SUN2: variants seen among roughly 807,000 people sequenced by gnomAD.
SUN2 encodes the protein SUN domain-containing protein 2.
A neutral mutation model predicts 100.0 loss-of-function variants in SUN2; 60 were observed. The observed-to-expected ratio is 0.60, with a 90% CI of 0.49 to 0.74. The LOEUF (loss-of-function observed/expected upper bound fraction) is 0.74. SUN2 is among the 30% of genes least tolerant of loss of function. The probability of loss-of-function intolerance (pLI) is 0.00; values close to 1 mark genes in which losing one functional copy is unlikely to be tolerated. For missense variants in SUN2, 834 were observed against 954.6 expected, an observed-to-expected ratio of 0.87 and a Z score of 1.66; for synonymous variants, 367 against 403.3, an observed-to-expected ratio of 0.91 and a Z score of 1.08.
Position 38,740,497 on chromosome 22 carries a change from A to C in SUN2, c.1191-65T>G, listed in dbSNP as rs759249693. ...GGTGGGAGGTAAGGCCACACCAAAG[A>C]TGAAAGAGGACCCCCTAGTGGGCTC... is the stretch of plus-strand genomic sequence containing the variant. On this transcript the variant is annotated intron_variant, in intron 11 of 17. Transcript: ENST00000689035. This position sits in a 1 kb window ranked among gnomAD's most constrained non-coding sequence, Gnocchi z 4.8. 1 of 1,400,826 alleles carries C rather than the reference A, an allele frequency of 7.1e-7. No individual in the cohort carries two copies. Among genetic ancestry groups the C allele is most frequent in the East Asian group, 2.7e-5 (1 of 36,742 alleles). The allele number at this position is 1,400,826 out of a possible 1,614,324, so 86.8% of individuals were successfully genotyped here. A position where few individuals can be genotyped will look rare whatever the true frequency, so the allele number is the denominator to read the frequency against.
chr22:38,750,375 C>T lies in SUN2; in HGVS notation c.425-55G>A, dbSNP rs1290320951. The stretch of plus-strand genomic sequence containing the variant: ...TCTGTCACTTTCGAGCCTCTTCCTT[C>T]ACTGTCTTCTGTGAGCCAAGACCAC... On this transcript the variant is annotated intron_variant, in intron 4 of 17. Transcript: ENST00000689035. The T allele has an allele frequency of 1.9e-6, 3 of 1,605,704 alleles. No homozygotes were observed. The South Asian group carries it at 3.3e-5, about 18-fold the overall frequency.
At position 38,742,337 on chromosome 22, in the gene SUN2, C is replaced by T; in HGVS notation, c.1032G>A (p.Lys344=). The change falls in exon 9 of 18, where the codon AAG becomes AAA. Residue 344 remains lysine, a synonymous_variant. Transcript: ENST00000689035. ...CAGCAGTTTCCCTGCGGAAATCCTC[C>T]TTCAGGGCAGCTTCACGGCGGCTCA... is the stretch of plus-strand genomic sequence containing the variant. ...GLVSRREAAL[K]EDFRRETAAR... is the part of the protein sequence containing the mutation. The T allele has an allele frequency of 2.5e-6, 4 of 1,609,198 alleles. No individual in the cohort carries two copies. The highest frequency in any genetic ancestry group is 3.4e-6 in the Non-Finnish European group (4 of 1,176,340).
rs79114416 is a variant in SUN2, at chr22:38,753,901, A to G, written c.-37-1236T>C. ...AGTTTTCCAGTTGTTTCAGGAATGT[A>G]TTGAAGATTCTAGTTGTGTGTCCTC... is the stretch of plus-strand genomic sequence containing the variant. On this transcript the variant is annotated intron_variant, in intron 1 of 17. Transcript: ENST00000689035. 9.5e-3 allele frequency among the ~76,000 whole-genome samples: 1,443 copies of G among 152,302 alleles called. 27 individuals are homozygous for G. The highest frequency in any genetic ancestry group is 0.034 in the African/African-American group (1,403 of 41,554).
intron 17 of SUN2, chr22:38,736,593 T>G (rs1569292808): frequency 2.4e-6 from 1 of 424,706 alleles, no homozygotes; most frequent in African/African-American, 2.0e-5. Flanking sequence ...TGTAGCACAC[T>G]TCATCTGAAA....
chr22:38,736,794 C>G (rs1281767491), intron 17 of SUN2: 1 of 163,442 alleles, frequency 6.1e-6, no homozygotes, highest in African/African-American at 2.4e-5. Flanking sequence ...TGCCACAGGC[C>G]TAGCACACTC....
chr22:38,741,665 T>A, intron 9 of SUN2, 94 bp from the exon 10 acceptor site: 1 of 1,185,320 alleles, frequency 8.4e-7, no homozygotes, highest in Non-Finnish European at 1.2e-6. Context: ...TCAAACAAGG[T>A]CTGTTTGCTT....
At position 38,740,524 on chromosome 22, in the gene SUN2, C is replaced by T. The variant is rs868395596; in HGVS notation, c.1191-92G>A. ...GAAAGAGGACCCCCTAGTGGGCTCC[C>T]GTCAGGAGAGCGGGTGCCCAGCACT... On this transcript the variant is annotated intron_variant, in intron 11 of 17. Transcript: ENST00000689035. The surrounding 1 kb of genome is among the most constrained non-coding windows in gnomAD (Gnocchi z 4.8). The T allele has an allele frequency of 4.5e-5, 61 of 1,350,152 alleles. No homozygotes were observed. The highest frequency in any genetic ancestry group is 9.0e-5 in the African/African-American group (6 of 66,786). 83.6% of individuals were successfully genotyped at this position (1,350,152 alleles called of 1,614,324 possible). A position where few individuals can be genotyped will look rare whatever the true frequency, so the allele number is the denominator to read the frequency against.
rs538141756 is a variant in SUN2 at position 38,749,987 on chromosome 22, C to T, written c.521-128G>A. On this transcript the variant is annotated intron_variant, in intron 5 of 17. Transcript: ENST00000689035. Reference sequence around the variant, plus strand: ...CCAGTATGCCTCTGTCCTGCCCTACCGGGACCCAGGTCCTTGGATCCCACC... The same window carrying T: ...CCAGTATGCCTCTGTCCTGCCCTACTGGGACCCAGGTCCTTGGATCCCACC... 1.7e-4 allele frequency: 183 copies of T among 1,066,418 alleles called. 1 individual carries two copies. In the South Asian group the frequency reaches 2.4e-3, roughly 14 times the overall value. 66.1% of individuals were successfully genotyped at this position (1,066,418 alleles called of 1,614,324 possible).
intron 1 of SUN2, among the ~76,000 whole-genome samples, chr22:38,754,370 A>G (rs563081187): frequency 6.6e-6 from 1 of 152,288 alleles, no homozygotes; most frequent in Admixed American, 6.5e-5. Context: ...ATAGAAGTCC[A>G]CTTCCCAACC....
intron 7 of SUN2, 97 bp from the exon 8 acceptor site, chr22:38,745,908 CTG>C: frequency 6.6e-7 from 1 of 1,508,908 alleles, no homozygotes; most frequent in South Asian, 1.3e-5. Flanking sequence ...TGCTTGTGGC[CTG>C]TCCCACTCGT....
intron 7 of SUN2, 98 bp downstream of exon 7, chr22:38,748,615 A>ACC (rs2092921502): frequency 7.2e-7 from 1 of 1,389,706 alleles, no homozygotes; most frequent in Admixed American, 1.7e-5. Context: ...TCACAGGCAC[A>ACC]CCCCACCCAG....
rs752855984 is a variant in SUN2, at chr22:38,742,366, G to A, written c.1003C>T (p.Leu335=). Residue 335 remains leucine, a synonymous_variant, in exon 9 of 18, where the codon CTA becomes TTA. Transcript: ENST00000689035. ...HEDTLALLEG[L]VSRREAALKE... Reference sequence around the variant, plus strand: ...AGGGCAGCTTCACGGCGGCTCACTAGCCCCTCCAGCAGCGCCAGGGTGTCC... The same window carrying A: ...AGGGCAGCTTCACGGCGGCTCACTAACCCCTCCAGCAGCGCCAGGGTGTCC... 1.2e-6 allele frequency: 2 copies of A among 1,613,080 alleles called. No individual in the cohort carries two copies. Among genetic ancestry groups the A allele is most frequent in the Admixed American group, 1.7e-5 (1 of 60,016 alleles).
Position 38,736,048 on chromosome 22 carries a change from G to A in SUN2, c.*219C>T, listed in dbSNP as rs185691254. On this transcript the variant is annotated 3_prime_UTR_variant, in exon 18 of 18. Coordinates refer to ENST00000689035, the MANE Select transcript of SUN2 (RefSeq NM_015374.3). ...TCCCAGGATGGGAAGCAGACGCCACGGGCACAGAGGGAAGGAAGAAGGGAG... is the reference window on the plus strand; with the variant it reads ...TCCCAGGATGGGAAGCAGACGCCACAGGCACAGAGGGAAGGAAGAAGGGAG... 1.5e-5 allele frequency: 9 copies of A among 595,772 alleles called. No homozygotes were observed. Among genetic ancestry groups the A allele is most frequent in the East Asian group, 3.1e-5 (1 of 32,020 alleles). 36.9% of individuals were successfully genotyped at this position (595,772 alleles called of 1,614,324 possible). A position where few individuals can be genotyped will look rare whatever the true frequency, so the allele number is the denominator to read the frequency against.
Position 38,751,205 on chromosome 22 carries a change from C to G in SUN2, c.286+5G>C, listed in dbSNP as rs760449726. The G allele has an allele frequency of 1.4e-5, 23 of 1,610,796 alleles. No individual in the cohort carries two copies. The South Asian group carries it at 2.5e-4, about 18-fold the overall frequency. On this transcript the variant is annotated splice_donor_5th_base_variant and intron_variant, in intron 3 of 17. Coordinates refer to ENST00000689035, the MANE Select transcript of SUN2 (RefSeq NM_015374.3). Reference sequence around the variant, plus strand: ...AAGCCCCGGGACGGAGGGCTCCACACTCACCCCAGTTGGCGTCACCATGCA... The same window carrying G: ...AAGCCCCGGGACGGAGGGCTCCACAGTCACCCCAGTTGGCGTCACCATGCA...
chr22:38,742,259 G>T, intron 9 of SUN2, 42 bp downstream of exon 9: 1 of 1,547,978 alleles, frequency 6.5e-7, no homozygotes. Context: ...GCTTTCCTAT[G>T]GGTGTCACCC....
At position 38,740,911 on chromosome 22, in the gene SUN2, G is replaced by T; in HGVS notation, c.1190+96C>A. On this transcript the variant is annotated intron_variant, in intron 11 of 17. Transcript: ENST00000689035. The surrounding 1 kb of genome is among the most constrained non-coding windows in gnomAD (Gnocchi z 4.8). ...TACCATCTGCTTGGCAAGATGATCA[G>T]AACTCTCTGCTCTGCGGCTCTGCTC... 7.5e-7 allele frequency: 1 copy of T among 1,331,952 alleles called. No individual in the cohort carries two copies. The highest frequency in any genetic ancestry group is 1.0e-6 in the Non-Finnish European group (1 of 955,042). The allele number at this position is 1,331,952 out of a possible 1,614,324, so 82.5% of individuals were successfully genotyped here. A position where few individuals can be genotyped will look rare whatever the true frequency, so the allele number is the denominator to read the frequency against.
At chr22:38,750,825 G>A (rs998945980) in intron 4 of SUN2, 73 bp downstream of exon 4, 3 of 1,590,292 alleles carry the variant, frequency 1.9e-6, no homozygotes, top group Middle Eastern at 3.5e-4. Context: ...AGCTCCCCGG[G>A]GCTCCCTGCC....
chr22:38,752,704 G>A (rs1359471472), intron 1 of SUN2, 39 bp from the exon 2 acceptor site: 2 of 1,570,150 alleles, frequency 1.3e-6, no homozygotes, highest in Non-Finnish European at 1.7e-6. Context: ...GTGAGGCCTG[G>A]GGCTGTCCCC....
chr22:38,739,347 G>A lies in SUN2; in HGVS notation c.1658C>T (p.Ser553Leu). 1 of 1,613,038 alleles carries A rather than the reference G, an allele frequency of 6.2e-7. No individual in the cohort carries two copies. Among genetic ancestry groups the A allele is most frequent in the Non-Finnish European group, 8.5e-7 (1 of 1,180,018 alleles). The change falls in exon 14 of 18, where the codon TCA becomes TTA. Residue 553 changes from serine to leucine, a missense_variant. Coordinates refer to ENST00000689035, the MANE Select transcript of SUN2 (RefSeq NM_015374.3). The surrounding 1 kb of genome is among the most constrained non-coding windows in gnomAD (Gnocchi z 6.7). ...RIGLADYALE[S>L]GGASVISTRC... is the part of the protein sequence containing the mutation. ...GAGGAAAGCAGAGCACGTACCTCCT[G>A]ACTCCAGGGCGTAGTCTGCCAGCCC...
Sources: allele counts gnomAD v4.1 joint callset (sites outside exome capture counted in the v4.1 genomes callset), GRCh38; gene constraint gnomAD v4.1.1; non-coding constraint Gnocchi (gnomAD v3.1); transcripts MANE v1.5; gene names NCBI Gene and HGNC (gene_info 2026-07-23, HGNC 2026-07-21).